The following EPHA6 variants were observed in gnomAD, a reference collection of about 807,000 sequenced individuals.
The protein encoded by EPHA6 is ephrin type-A receptor 6.
EPHA6 carries 50 observed loss-of-function variants against 112.0 expected under a neutral mutation model. The observed-to-expected ratio is 0.45, with a 90% CI of 0.36 to 0.56. The LOEUF (loss-of-function observed/expected upper bound fraction) is 0.56, where lower values mean the gene tolerates loss of function less well. Among genes scored for constraint, EPHA6 ranks in the 20% least tolerant of loss-of-function variants. EPHA6 has a pLI of 0.00. For missense variants in EPHA6, 1,280 were observed against 1,417.4 expected (o/e 0.90, Z 1.56); for synonymous variants, 529 against 490.7 (o/e 1.08, Z -1.03).
chr3:97,059,888 C>T lies in EPHA6; in HGVS notation c.1114+71895C>T, dbSNP rs370949095. On this transcript the variant is annotated intron_variant, in intron 3 of 17. Coordinates refer to ENST00000389672, the MANE Select transcript of EPHA6 (RefSeq NM_001080448.3). ...ATCCCAGCACTTAGGGATTAGAGGCCGAGGTGGGCGGATCATGAGGTCAGG... is the reference window on the plus strand; with the variant it reads ...ATCCCAGCACTTAGGGATTAGAGGCTGAGGTGGGCGGATCATGAGGTCAGG... 5.3e-5 allele frequency among the ~76,000 whole-genome samples: 8 copies of T among 151,836 alleles called. No homozygotes were observed. In the East Asian group the frequency reaches 9.7e-4, roughly 18 times the overall value.
chr3:97,082,003 C>T (rs2046735996), intron 3 of EPHA6, among the ~76,000 whole-genome samples: 1 of 151,386 alleles, frequency 6.6e-6, no homozygotes, highest in African/African-American at 2.4e-5. Flanking sequence ...ATAAAATAAG[C>T]ATATATCATT....
At chr3:96,902,443 A>G (rs538614532) in intron 2 of EPHA6, among the ~76,000 whole-genome samples, 1 of 152,274 alleles carries the variant, frequency 6.6e-6, no homozygotes, top group African/African-American at 2.4e-5. Flanking sequence ...GAAAGCAGTG[A>G]CCCAGAGCCC....
intron 5 of EPHA6, among the ~76,000 whole-genome samples, chr3:97,324,457 C>CTTTCTTTCTTTCTTTCTTTCTT (rs2082303195): frequency 6.9e-6 from 1 of 143,960 alleles, no homozygotes; most frequent in Non-Finnish European, 1.5e-5. Flanking sequence ...TTCTTTCTTT[C>CTTTCTTTCTTTCTTTCTTTCTT]TTTCTTTCTT....
intron 14 of EPHA6, among the ~76,000 whole-genome samples, chr3:97,650,030 A>T (rs1209626139): frequency 1.3e-5 from 2 of 152,172 alleles, no homozygotes; most frequent in Non-Finnish European, 2.9e-5. Flanking sequence ...TACTCTAATC[A>T]TCTAATACAA....
chr3:97,061,522 G>T (rs76891275), intron 3 of EPHA6, among the ~76,000 whole-genome samples: 6,158 of 152,190 alleles, frequency 0.04, 150 homozygotes, highest in Non-Finnish European at 0.066. Flanking sequence ...AATAATTATA[G>T]AATTGGAAAT....
chr3:97,629,646 C>T (rs2093887165), intron 13 of EPHA6, among the ~76,000 whole-genome samples: 1 of 151,868 alleles, frequency 6.6e-6, no homozygotes, highest in Admixed American at 6.6e-5. Context: ...TTCCTGAACT[C>T]CTCTATGGTC....
intron 3 of EPHA6, among the ~76,000 whole-genome samples, chr3:96,997,462 A>G (rs569269189): frequency 2.2e-4 from 34 of 152,056 alleles, no homozygotes; most frequent in Non-Finnish European, 4.0e-4. Context: ...TCACTTGACC[A>G]TTTAGAGGTC....
chr3:97,057,056 G>T (rs2045876455), intron 3 of EPHA6, among the ~76,000 whole-genome samples: 1 of 152,126 alleles, frequency 6.6e-6, no homozygotes, highest in Non-Finnish European at 1.5e-5. Context: ...ATAAATTGCA[G>T]AGTTACATAA....
At chr3:96,897,033 T>C (rs1168792487) in intron 2 of EPHA6, among the ~76,000 whole-genome samples, 2 of 152,166 alleles carry the variant, frequency 1.3e-5, no homozygotes, top group East Asian at 3.9e-4. Context: ...TTTAGAAATA[T>C]ATTTTATTAG....
At chr3:97,247,555 A>G (rs2079019241) in intron 5 of EPHA6, among the ~76,000 whole-genome samples, 1 of 151,944 alleles carries the variant, frequency 6.6e-6, no homozygotes, top group Admixed American at 6.6e-5. Flanking sequence ...TGATTAGGTA[A>G]AATGAGGCTG....
chr3:97,526,359 C>G (rs1256282168), intron 10 of EPHA6, among the ~76,000 whole-genome samples: 1 of 152,214 alleles, frequency 6.6e-6, no homozygotes, highest in Non-Finnish European at 1.5e-5. Flanking sequence ...GGCATGTCTC[C>G]TGGTGGGATT....
intron 2 of EPHA6, among the ~76,000 whole-genome samples, chr3:96,942,569 G>C (rs896336132): frequency 6.6e-6 from 1 of 152,234 alleles, no homozygotes; most frequent in Admixed American, 6.5e-5. Context: ...CTTCCCGAGT[G>C]AGGCAATGCC....
chr3:97,566,401 G>C (rs1016360713), intron 11 of EPHA6, among the ~76,000 whole-genome samples: 2 of 152,094 alleles, frequency 1.3e-5, no homozygotes, highest in East Asian at 3.8e-4. Context: ...CAACCTATCT[G>C]GTCAAATCCC....
intron 5 of EPHA6, among the ~76,000 whole-genome samples, chr3:97,307,788 G>A (rs2081382184): frequency 6.6e-6 from 1 of 151,448 alleles, no homozygotes; most frequent in East Asian, 1.9e-4. Context: ...TAAATGGCAT[G>A]CTTGAATTTT....
At chr3:97,154,680 T>C (rs1043541124) in intron 3 of EPHA6, among the ~76,000 whole-genome samples, 2 of 152,210 alleles carry the variant, frequency 1.3e-5, no homozygotes, top group African/African-American at 4.8e-5. Context: ...ATAACATTTA[T>C]AGTACAACAT....
intron 5 of EPHA6, among the ~76,000 whole-genome samples, chr3:97,319,520 A>T (rs1187783134): frequency 6.6e-6 from 1 of 151,626 alleles, no homozygotes; most frequent in Non-Finnish European, 1.5e-5. Context: ...ATGCAAAAAA[A>T]TTAGCCAGAT....
At chr3:96,950,889 C>G (rs1394004450) in intron 2 of EPHA6, among the ~76,000 whole-genome samples, 1 of 151,958 alleles carries the variant, frequency 6.6e-6, no homozygotes, top group Non-Finnish European at 1.5e-5. Flanking sequence ...AATTTGTTAT[C>G]TAAGAGAATT....
chr3:97,462,981 T>C (rs2090937773), intron 7 of EPHA6, among the ~76,000 whole-genome samples: 1 of 152,142 alleles, frequency 6.6e-6, no homozygotes, highest in Admixed American at 6.6e-5. Flanking sequence ...CTACTTATTG[T>C]TTAACAGAAT....
chr3:97,611,306 G>A (rs1201484997), intron 13 of EPHA6, among the ~76,000 whole-genome samples: 1 of 151,776 alleles, frequency 6.6e-6, no homozygotes, highest in African/African-American at 2.4e-5. Flanking sequence ...TATCAACTTT[G>A]TCCTTCTTCA....
Sources: allele counts gnomAD v4.1 joint callset (sites outside exome capture counted in the v4.1 genomes callset), GRCh38; gene constraint gnomAD v4.1.1; transcripts MANE v1.5; gene names NCBI Gene and HGNC (gene_info 2026-07-23, HGNC 2026-07-21).